Variants in ZC4H2 observed in about 807,000 individuals in gnomAD.
The protein encoded by ZC4H2 is zinc finger C4H2 domain-containing protein.
For synonymous variants in ZC4H2, 84 were observed against 66.3 expected (o/e 1.27, Z -1.30); for missense variants, 137 against 173.9 (o/e 0.79, Z 1.19).
chrX:64,942,171 T>A (rs1930317713), intron 1 of ZC4H2, among the ~76,000 whole-genome samples: 1 of 111,771 alleles, frequency 8.9e-6, no homozygotes, highest in African/African-American at 3.3e-5. Flanking sequence ...TTTTTCTAGT[T>A]TATTTGCATA....
intron 1 of ZC4H2, among the ~76,000 whole-genome samples, chrX:64,966,952 T>C (rs1227219516): frequency 5.4e-5 from 6 of 111,441 alleles, no homozygotes; most frequent in Non-Finnish European, 1.1e-4. Context: ...ATATAAAATA[T>C]AACTCAAATT....
At position 64,921,879 on chromosome X, in the gene ZC4H2, G is replaced by C; in HGVS notation, c.163C>G (p.Leu55Val). The C allele has an allele frequency of 8.3e-7, 1 of 1,210,724 alleles. No homozygotes were observed. The highest frequency in any genetic ancestry group is 1.1e-6 in the Non-Finnish European group (1 of 895,358). Reference protein sequence around the residue: ...LKEYKQEMDLLLQEKMAHVEE... With the variant: ...LKEYKQEMDLVLQEKMAHVEE... The stretch of plus-strand genomic sequence containing the variant: ...ACATGGGCCATCTTCTCCTGTAGCA[G>C]AAGGTCCATCTCCTGCTTGTATTCC... The change falls in exon 2 of 5, where the codon CTG (leucine) becomes GTG (valine). Residue 55 changes from leucine to valine, a missense_variant. Physicochemically the swap from Leu to Val is conservative, Grantham distance 32 (BLOSUM62 1). Transcript: ENST00000374839.
intron 1 of ZC4H2, among the ~76,000 whole-genome samples, chrX:64,957,743 TC>T (rs1220096146): frequency 9.1e-6 from 1 of 110,127 alleles, no homozygotes; most frequent in Non-Finnish European, 1.9e-5. Context: ...ATGCCTGTGG[TC>T]CTAGCTACTT....
chrX:64,988,179 G>A (rs1160533576), intron 1 of ZC4H2, among the ~76,000 whole-genome samples: 1 of 110,220 alleles, frequency 9.1e-6, no homozygotes, highest in African/African-American at 3.3e-5. Context: ...ATTGTGAATA[G>A]TGCCGCAATA....
At chrX:64,920,057 A>C (rs1481526730) in intron 3 of ZC4H2, 24 bp downstream of exon 3, 2 of 1,200,564 alleles carry the variant, frequency 1.7e-6, no homozygotes, top group African/African-American at 3.5e-5. Flanking sequence ...GGTATGTTGT[A>C]GGGACTGGGG....
At chrX:64,980,584 G>A (rs1040818333), upstream of ZC4H2, among the ~76,000 whole-genome samples, 4 of 112,247 alleles carry the variant, frequency 3.6e-5, no homozygotes, top group Non-Finnish European at 7.5e-5. Context: ...GGGATATATA[G>A]TGCTTTGCAT....
At position 64,940,773 on chromosome X, in the gene ZC4H2, C is replaced by G. The variant is rs765145585; in HGVS notation, c.54-18785G>C. 7.2e-5 allele frequency among the ~76,000 whole-genome samples: 8 copies of G among 111,469 alleles called. No homozygotes were observed. The South Asian group carries it at 3.0e-3, about 42-fold the overall frequency. ...TTGGTCTATATATCTGTTTTGGTAC[C>G]AGTACCATGGTGTTTTGGTTACCAT... On this transcript the variant is annotated intron_variant, in intron 1 of 4. Transcript: ENST00000374839.
intron 1 of ZC4H2, among the ~76,000 whole-genome samples, chrX:64,972,103 T>A (rs1476141548): frequency 9.0e-6 from 1 of 111,687 alleles, no homozygotes; most frequent in South Asian, 3.8e-4. Context: ...TTCTTCCACT[T>A]ATCTACATGC....
At position 64,919,085 on chromosome X, in the gene ZC4H2, G is replaced by A; in HGVS notation, c.518C>T (p.Thr173Ile). Residue 173 changes from threonine to isoleucine, a missense_variant, in exon 4 of 5, where the codon ACT (threonine) becomes ATT (isoleucine). Transcript: ENST00000374839. ...CTGCCTGAAGGTGGCCGTCTGCCGA[G>A]TATCCTGCTTCCTAGCCACTTGGAG... ...QQLQVARKQDTRQTATFRQQP... is the reference protein window; with the variant it reads ...QQLQVARKQDIRQTATFRQQP... 1 of 1,192,678 alleles carries A rather than the reference G, an allele frequency of 8.4e-7. No individual in the cohort carries two copies.
At position 64,976,373 on chromosome X, in the gene ZC4H2, G is replaced by T. The variant is rs1453676569; in HGVS notation, c.5C>A (p.Ala2Glu). The change falls in exon 1 of 5, where the codon GCA becomes GAA. Residue 2 changes from alanine to glutamate, a missense_variant. By Grantham distance (107) the Ala-to-Glu change is moderately radical (BLOSUM62 -1). Coordinates refer to ENST00000374839, the MANE Select transcript of ZC4H2 (RefSeq NM_018684.4). Reference sequence around the variant, plus strand: ...TTTGCACATGATTTCTTGCTCATCTGCCATACTTTTCACTGTCAATTTCAC... The same window carrying T: ...TTTGCACATGATTTCTTGCTCATCTTCCATACTTTTCACTGTCAATTTCAC... MADEQEIMCKLE... is the reference protein window; with the variant it reads MEDEQEIMCKLE... 1.7e-6 allele frequency: 2 copies of T among 1,211,316 alleles called. No homozygotes were observed. The highest frequency in any genetic ancestry group is 4.3e-5 in the Admixed American group (2 of 46,087).
At chrX:64,996,502 A>C (rs1932416509) in intron 1 of ZC4H2, among the ~76,000 whole-genome samples, 1 of 111,792 alleles carries the variant, frequency 8.9e-6, no homozygotes, top group Non-Finnish European at 1.9e-5. Context: ...AACAGAAACT[A>C]TCTCTGAGGA....
intron 1 of ZC4H2, among the ~76,000 whole-genome samples, chrX:64,934,708 G>A (rs1929911972): frequency 8.9e-6 from 1 of 111,925 alleles, no homozygotes; most frequent in African/African-American, 3.2e-5. Flanking sequence ...AAGCAAGGTG[G>A]GGCATCGCCT....
At chrX:64,930,535 T>C (rs1929692781) in intron 1 of ZC4H2, among the ~76,000 whole-genome samples, 1 of 111,904 alleles carries the variant, frequency 8.9e-6, no homozygotes, top group South Asian at 3.7e-4. Flanking sequence ...TATCTTGAGG[T>C]ATGTCTCTTC....
At chrX:64,944,725 T>C (rs769889889) in intron 1 of ZC4H2, among the ~76,000 whole-genome samples, 1 of 111,883 alleles carries the variant, frequency 8.9e-6, no homozygotes, top group East Asian at 2.8e-4. Context: ...CAGTCAATCA[T>C]AGATTTAGTC....
intron 1 of ZC4H2, among the ~76,000 whole-genome samples, chrX:64,923,454 C>G (rs148448454): frequency 1.4e-4 from 15 of 109,822 alleles, no homozygotes; most frequent in Non-Finnish European, 2.8e-4. Flanking sequence ...AGCTGATCTT[C>G]CCCTCTGCCC....
chrX:65,012,909 G>T (rs905725082), intron 1 of ZC4H2, among the ~76,000 whole-genome samples: 1 of 111,555 alleles, frequency 9.0e-6, no homozygotes, highest in Non-Finnish European at 1.9e-5. Context: ...AGCTGTTTTT[G>T]TCTCTTTTTA....
At chrX:64,972,460 C>G (rs1393101985) in intron 1 of ZC4H2, among the ~76,000 whole-genome samples, 1 of 111,879 alleles carries the variant, frequency 8.9e-6, no homozygotes, top group Non-Finnish European at 1.9e-5. Flanking sequence ...AACATTATTT[C>G]TTTAACAGAA....
At chrX:64,920,002 C>T in intron 3 of ZC4H2, 79 bp downstream of exon 3, 2 of 1,037,859 alleles carry the variant, frequency 1.9e-6, no homozygotes, top group Non-Finnish European at 2.6e-6. Flanking sequence ...GTATACCTGC[C>T]CGTGTGTGTG....
upstream of ZC4H2, among the ~76,000 whole-genome samples, chrX:64,977,189 A>G (rs1931977514): frequency 8.9e-6 from 1 of 111,758 alleles, no homozygotes; most frequent in Non-Finnish European, 1.9e-5. Flanking sequence ...AAATACAGGA[A>G]TAGATAAGGT....
Sources: allele counts gnomAD v4.1 joint callset (sites outside exome capture counted in the v4.1 genomes callset), GRCh38; gene constraint gnomAD v4.1.1; transcripts MANE v1.5; gene names NCBI Gene and HGNC (gene_info 2026-07-23, HGNC 2026-07-21).